PITPNM2: variants seen among roughly 807,000 people sequenced by gnomAD.
The protein encoded by PITPNM2 is membrane-associated phosphatidylinositol transfer protein 2.
Under a neutral mutation model 132.2 loss-of-function variants are expected in PITPNM2, and 35 were observed. The ratio of observed to expected loss-of-function variants is 0.26; its 90% confidence interval spans 0.20 to 0.35. PITPNM2 has a LOEUF of 0.35. Ranked by LOEUF, PITPNM2 falls within the 10% of genes least tolerant of loss-of-function variation. The pLI, the probability that PITPNM2 is intolerant of heterozygous loss-of-function variation, is 1.00. For synonymous variants in PITPNM2, 738 were observed against 799.2 expected (o/e 0.92, Z 1.29); for missense variants, 1,332 against 1,912.0 (o/e 0.70, Z 5.66).
intron 1 of PITPNM2, among the ~76,000 whole-genome samples, chr12:123,132,578 G>C (rs2043291130): frequency 6.6e-6 from 1 of 150,830 alleles, no homozygotes; most frequent in African/African-American, 2.4e-5. Context: ...TGGCATCAAG[G>C]ACATCCACAA....
At position 123,004,429 on chromosome 12, in the gene PITPNM2, TC is replaced by T; in HGVS notation, c.1012del (p.Asp338MetfsTer67). The T allele has an allele frequency of 6.2e-7, 1 of 1,613,972 alleles. No individual in the cohort carries two copies. Among genetic ancestry groups the T allele is most frequent in the Non-Finnish European group, 8.5e-7 (1 of 1,180,032 alleles). ...GAAGAACTCATCATCTGAGCTCTCA[TC>T]CGAGTCCCTGGCAATACTCTGCATC... The part of the protein sequence containing the change: ...WRMQSIARDS[D>X]ESSDDEFFDA... On this transcript the variant is annotated frameshift_variant, in exon 8 of 26. Coordinates refer to ENST00000320201, the MANE Select transcript of PITPNM2 (RefSeq NM_020845.3). LOFTEE classifies it high-confidence loss of function. This position sits in a 1 kb window ranked among gnomAD's most constrained non-coding sequence, Gnocchi z 4.9.
intron 2 of PITPNM2, among the ~76,000 whole-genome samples, chr12:123,045,812 T>C (rs1281398265): frequency 1.3e-5 from 2 of 152,218 alleles, no homozygotes; most frequent in Non-Finnish European, 2.9e-5. Flanking sequence ...CCAGTGTCAG[T>C]AGCCAGTGTC....
intron 2 of PITPNM2, among the ~76,000 whole-genome samples, chr12:123,101,313 G>T (rs142005120): frequency 6.6e-6 from 1 of 152,116 alleles, no homozygotes; most frequent in Non-Finnish European, 1.5e-5. Context: ...CCCTCCTGCC[G>T]AGATGCCACC....
In PITPNM2 at chr12:123,150,222, T is replaced by C. The variant is rs1288127279; in HGVS notation, c.-200+531A>G. ...GGAAGAAGACAGAGCCGGCACCCCA[T>C]TACCACACGAAGGGGGCACTGAGGA... On this transcript the variant is annotated intron_variant, in intron 1 of 25. Coordinates refer to ENST00000320201, the MANE Select transcript of PITPNM2 (RefSeq NM_020845.3). This position sits in a 1 kb window ranked among gnomAD's most constrained non-coding sequence, Gnocchi z 6.0. 6.6e-6 allele frequency among the ~76,000 whole-genome samples: 1 copy of C among 151,900 alleles called. No individual in the cohort carries two copies. Among genetic ancestry groups the C allele is most frequent in the East Asian group, 1.9e-4 (1 of 5,148 alleles).
At chr12:123,135,303 G>A (rs2043352991) in intron 1 of PITPNM2, among the ~76,000 whole-genome samples, 1 of 152,070 alleles carries the variant, frequency 6.6e-6, no homozygotes, top group Non-Finnish European at 1.5e-5. Flanking sequence ...TTATAGCTAG[G>A]AATAATGTAC....
chr12:123,049,320 G>A (rs921085214), intron 2 of PITPNM2, among the ~76,000 whole-genome samples: 5 of 152,078 alleles, frequency 3.3e-5, no homozygotes, highest in African/African-American at 1.2e-4. Flanking sequence ...GTCTCCTCCC[G>A]ATCCTGTCTG....
chr12:123,140,817 A>G (rs2043490977), intron 1 of PITPNM2, among the ~76,000 whole-genome samples: 1 of 152,076 alleles, frequency 6.6e-6, no homozygotes, highest in Non-Finnish European at 1.5e-5. Context: ...CCTCAAAGTC[A>G]CATAGACAGA....
rs1416904597 is a variant in PITPNM2, at chr12:123,058,103, G to A, written c.-95-23418C>T. Among the ~76,000 whole-genome samples the A allele has an allele frequency of 6.6e-6, 1 of 152,150 alleles. No homozygotes were observed. The highest frequency in any genetic ancestry group is 2.4e-5 in the African/African-American group (1 of 41,426). Reference sequence around the variant, plus strand: ...CTCTTCAAAGTACTTACGAACCCACGTTCTTCACTTCTTCTTTTTGGGCAT... The same window carrying A: ...CTCTTCAAAGTACTTACGAACCCACATTCTTCACTTCTTCTTTTTGGGCAT... On this transcript the variant is annotated intron_variant, in intron 2 of 25. Coordinates refer to ENST00000320201, the MANE Select transcript of PITPNM2 (RefSeq NM_020845.3). This position sits in a 1 kb window ranked among gnomAD's most constrained non-coding sequence, Gnocchi z 4.0.
intron 2 of PITPNM2, among the ~76,000 whole-genome samples, chr12:123,102,832 G>A (rs1418375574): frequency 6.6e-6 from 1 of 152,234 alleles, no homozygotes; most frequent in Non-Finnish European, 1.5e-5. Context: ...AGGTTTAAGG[G>A]AAACCTGTTC....
intron 17 of PITPNM2, 22 bp downstream of exon 17, chr12:122,990,523 G>A (rs369071498): frequency 3.2e-5 from 51 of 1,611,440 alleles, no homozygotes; most frequent in Non-Finnish European, 3.8e-5. Flanking sequence ...AGTGAGGAGG[G>A]TGAGGGGCCT....
In PITPNM2 at chr12:123,139,411, G is replaced by A. The variant is rs569661650; in HGVS notation, c.-200+11342C>T. On this transcript the variant is annotated intron_variant, in intron 1 of 25. Transcript: ENST00000320201. ...AGCTACTCAGGAGGCTGAGGCAGAA[G>A]AATGGCATGAACCCGGGAGGCGGAG... Among the ~76,000 whole-genome samples the A allele has an allele frequency of 1.1e-3, 172 of 151,388 alleles. 2 individuals carry two copies. The highest frequency in any genetic ancestry group is 3.9e-3 in the African/African-American group (159 of 41,254).
At chr12:123,103,347 A>G (rs1372909564) in intron 2 of PITPNM2, among the ~76,000 whole-genome samples, 1 of 152,202 alleles carries the variant, frequency 6.6e-6, no homozygotes, top group Non-Finnish European at 1.5e-5. Flanking sequence ...TTCGGGCCTG[A>G]CACTCCATGG....
chr12:123,071,117 C>A (rs1043314419), intron 2 of PITPNM2, among the ~76,000 whole-genome samples: 5 of 152,206 alleles, frequency 3.3e-5, no homozygotes, highest in African/African-American at 1.2e-4. Context: ...CCTCGAGTGT[C>A]CACTGTTGCT....
At chr12:123,076,844 T>C (rs192786933) in intron 2 of PITPNM2, among the ~76,000 whole-genome samples, 1 of 152,244 alleles carries the variant, frequency 6.6e-6, no homozygotes, top group East Asian at 1.9e-4. Context: ...GGGTGCTAAA[T>C]CCGGTTTCTT....
chr12:123,139,326 C>T (rs547190245), intron 1 of PITPNM2, among the ~76,000 whole-genome samples: 1 of 152,012 alleles, frequency 6.6e-6, no homozygotes, highest in South Asian at 2.1e-4. Context: ...CAGTGAAACC[C>T]TGTCTCTACT....
At chr12:123,122,921 A>G (rs1247189125) in intron 1 of PITPNM2, among the ~76,000 whole-genome samples, 2 of 152,170 alleles carry the variant, frequency 1.3e-5, no homozygotes, top group African/African-American at 4.8e-5. Context: ...GCACTCACAC[A>G]TTGTAAGTGG....
chr12:123,134,146 A>G (rs555028842), intron 1 of PITPNM2, among the ~76,000 whole-genome samples: 1 of 152,088 alleles, frequency 6.6e-6, no homozygotes, highest in East Asian at 1.9e-4. Flanking sequence ...GCTCACTGCA[A>G]CCTCCGCCTC....
chr12:122,995,334 CT>C, intron 14 of PITPNM2, 54 bp downstream of exon 14: 1 of 1,535,916 alleles, frequency 6.5e-7, no homozygotes, highest in East Asian at 2.3e-5. Context: ...GTTCCTCCCT[CT>C]TGGAGCCTCT....
chr12:122,986,962 G>T, intron 23 of PITPNM2, 133 bp from the exon 24 acceptor site: 2 of 1,206,478 alleles, frequency 1.7e-6, no homozygotes, highest in Non-Finnish European at 2.3e-6. Context: ...CGACGACAAT[G>T]GTTGACAATG....
Sources: gnomAD v4.1 joint callset for allele counts (sites outside exome capture counted in the v4.1 genomes callset) on GRCh38, gnomAD v4.1.1 for gene constraint, Gnocchi (gnomAD v3.1) non-coding constraint, MANE v1.5 for transcripts, NCBI Gene and HGNC (gene_info 2026-07-23, HGNC 2026-07-21) for gene names.